ATXN1: variants seen among roughly 807,000 people sequenced by gnomAD.
ATXN1 encodes ataxin-1.
A neutral mutation model predicts 56.4 loss-of-function variants in ATXN1; 8 were observed. That is an observed-to-expected ratio of 0.14 (90% CI 0.08 to 0.26). The LOEUF (loss-of-function observed/expected upper bound fraction) is 0.26. Ranked by LOEUF, ATXN1 falls within the 10% of genes least tolerant of loss-of-function variation. The pLI, the probability that ATXN1 is intolerant of heterozygous loss-of-function variation, is 1.00. For synonymous variants in ATXN1, 514 were observed against 494.6 expected (o/e 1.04, Z -0.52); for missense variants, 987 against 1,106.5 (o/e 0.89, Z 1.53).
chr6:16,310,766 C>T (rs544725284), intron 7 of ATXN1, among the ~76,000 whole-genome samples: 11 of 152,180 alleles, frequency 7.2e-5, no homozygotes, highest in Non-Finnish European at 1.6e-4. Flanking sequence ...GGATTACAGG[C>T]GTGAGCCACC....
At chr6:16,343,538 T>C (rs1463817015) in intron 6 of ATXN1, among the ~76,000 whole-genome samples, 1 of 152,122 alleles carries the variant, frequency 6.6e-6, no homozygotes, top group African/African-American at 2.4e-5. Context: ...CTGTATGCCC[T>C]TTCTCACATC....
intron 6 of ATXN1, among the ~76,000 whole-genome samples, chr6:16,431,342 T>A (rs987554429): frequency 6.6e-6 from 1 of 152,212 alleles, no homozygotes; most frequent in African/African-American, 2.4e-5. Context: ...CTAATTCAGT[T>A]TGTTCCACCC....
At chr6:16,685,597 T>C (rs1328645520) in intron 2 of ATXN1, among the ~76,000 whole-genome samples, 2 of 152,214 alleles carry the variant, frequency 1.3e-5, no homozygotes, top group Non-Finnish European at 2.9e-5. Flanking sequence ...ATTACTATTA[T>C]TATTTTACTG....
rs576218978 is a variant in ATXN1, at chr6:16,619,228, C to T, written c.-488-33321G>A. Among the ~76,000 whole-genome samples, 6 of 151,972 alleles carry T rather than the reference C, an allele frequency of 3.9e-5. No homozygotes were observed. The South Asian group carries it at 1.0e-3, about 26-fold the overall frequency. On this transcript the variant is annotated intron_variant, in intron 3 of 7. Transcript: ENST00000436367. ...GCTCAAGAAGAGTAATTTAATAACA[C>T]ATATCAAAAGCCTTATAAAGGGCCT...
At chr6:16,447,808 A>G in intron 6 of ATXN1, among the ~76,000 whole-genome samples, 1 of 152,204 alleles carries the variant, frequency 6.6e-6, no homozygotes, top group East Asian at 1.9e-4. Context: ...TTTTAAACTT[A>G]TTTAAAAGCC....
chr6:16,665,440 G>A (rs192304977), intron 2 of ATXN1, among the ~76,000 whole-genome samples: 37 of 151,274 alleles, frequency 2.4e-4, no homozygotes, highest in South Asian at 6.3e-4. Context: ...GAAAAACTCC[G>A]CTGTACACAT....
At chr6:16,560,302 T>C (rs1277227227) in intron 4 of ATXN1, among the ~76,000 whole-genome samples, 3 of 151,748 alleles carry the variant, frequency 2.0e-5, no homozygotes, top group South Asian at 2.1e-4. Context: ...TGGTGGCAGG[T>C]GCTTGTAATC....
At chr6:16,424,349 C>T (rs952608221) in intron 6 of ATXN1, among the ~76,000 whole-genome samples, 1 of 152,180 alleles carries the variant, frequency 6.6e-6, no homozygotes, top group Non-Finnish European at 1.5e-5. Flanking sequence ...GAGCCATTTA[C>T]GCAGCTCATC....
intron 5 of ATXN1, among the ~76,000 whole-genome samples, chr6:16,500,223 C>T (rs1268811919): frequency 6.6e-6 from 1 of 152,152 alleles, no homozygotes; most frequent in Non-Finnish European, 1.5e-5. Context: ...TCTCAACAAC[C>T]GTGTGAAAGT....
At chr6:16,485,601 C>CCAGAATTT in intron 6 of ATXN1, 2 of 152,196 alleles carry the variant, frequency 1.3e-5, no homozygotes, top group South Asian at 4.1e-4. Context: ...ATTTTACCCC[C>CCAGAATTT]TACTCACCAA....
intron 2 of ATXN1, among the ~76,000 whole-genome samples, chr6:16,750,761 G>C (rs1465315625): frequency 6.6e-6 from 1 of 151,918 alleles, no homozygotes; most frequent in Non-Finnish European, 1.5e-5. Flanking sequence ...TAAAATTCTT[G>C]AGATATTTCT....
At chr6:16,456,066 A>T (rs986826728) in intron 6 of ATXN1, among the ~76,000 whole-genome samples, 2 of 152,164 alleles carry the variant, frequency 1.3e-5, no homozygotes, top group Admixed American at 6.5e-5. Flanking sequence ...GTGGCAACCC[A>T]TTTGGGTCCC....
chr6:16,618,229 C>G (rs1763255434), intron 3 of ATXN1, among the ~76,000 whole-genome samples: 1 of 152,042 alleles, frequency 6.6e-6, no homozygotes, highest in Non-Finnish European at 1.5e-5. Context: ...CACATGGACA[C>G]AGAGAGGGGA....
intron 4 of ATXN1, among the ~76,000 whole-genome samples, chr6:16,528,300 C>CA (rs375416081): frequency 0.023 from 1,720 of 74,270 alleles, 23 homozygotes; most frequent in African/African-American, 0.061. Flanking sequence ...GACTCCCTCT[C>CA]AAAAAAAAAA....
chr6:16,756,381 A>G (rs993244748), intron 1 of ATXN1, among the ~76,000 whole-genome samples: 10 of 152,206 alleles, frequency 6.6e-5, no homozygotes, highest in African/African-American at 2.4e-4. Flanking sequence ...AAATGTGAAC[A>G]TAATTGATGA....
chr6:16,560,162 G>A (rs982073613), intron 4 of ATXN1, among the ~76,000 whole-genome samples: 6 of 152,094 alleles, frequency 3.9e-5, no homozygotes, highest in African/African-American at 1.4e-4. Context: ...GAATTTTTAG[G>A]TCTTCCAATG....
chr6:16,372,934 TAAACAAACAAACAAACAAAC>T (rs58286188), intron 6 of ATXN1, among the ~76,000 whole-genome samples: 17 of 148,742 alleles, frequency 1.1e-4, no homozygotes, highest in South Asian at 2.1e-4. Context: ...AATAAATAAA[TAAACAAACAAACAAACAAAC>T]AAACAAACAA....
At position 16,328,290 on chromosome 6, in the gene ATXN1, C is replaced by A; in HGVS notation, c.21G>T (p.Arg7=). The A allele has an allele frequency of 6.6e-7, 1 of 1,514,344 alleles. No individual in the cohort carries two copies. 93.8% of individuals were successfully genotyped at this position (1,514,344 alleles called of 1,614,324 possible). A position where few individuals can be genotyped will look rare whatever the true frequency, so the allele number is the denominator to read the frequency against. Residue 7 remains arginine (R), a synonymous_variant, in exon 7 of 8, where the codon CGG becomes CGT. Coordinates refer to ENST00000436367, the MANE Select transcript of ATXN1 (RefSeq NM_001128164.2). This position sits in a 1 kb window ranked among gnomAD's most constrained non-coding sequence, Gnocchi z 6.2. The part of the protein sequence containing the change: MKSNQE[R]SNECLPPKKR... ...TCTTGGGAGGCAGGCATTCGTTGCTCCGCTCTTGGTTGGATTTCATTTTTC... is the reference window on the plus strand; with the variant it reads ...TCTTGGGAGGCAGGCATTCGTTGCTACGCTCTTGGTTGGATTTCATTTTTC...
chr6:16,321,712 C>T lies in ATXN1; in HGVS notation c.1917+4682G>A, dbSNP rs186047004. On this transcript the variant is annotated intron_variant, in intron 7 of 7. Coordinates refer to ENST00000436367, the MANE Select transcript of ATXN1 (RefSeq NM_001128164.2). ...GAATTCAGCCCCTTAAAAATCATCCCCAAACTAAACACCCCTCAGTTTTAT... is the reference window on the plus strand; with the variant it reads ...GAATTCAGCCCCTTAAAAATCATCCTCAAACTAAACACCCCTCAGTTTTAT... Among the ~76,000 whole-genome samples, 4 of 152,304 alleles carry T rather than the reference C, an allele frequency of 2.6e-5. No individual in the cohort carries two copies. In the East Asian group the frequency reaches 7.7e-4, roughly 29 times the overall value.
Sources: allele counts gnomAD v4.1 joint callset (sites outside exome capture counted in the v4.1 genomes callset), GRCh38; gene constraint gnomAD v4.1.1; non-coding constraint Gnocchi (gnomAD v3.1); transcripts MANE v1.5; gene names NCBI Gene and HGNC (gene_info 2026-07-23, HGNC 2026-07-21).